The following COPG2 variants were observed in gnomAD, a reference collection of about 807,000 sequenced individuals.
The protein encoded by COPG2 is coat protein complex I subunit gamma 2.
Under a neutral mutation model 46.3 loss-of-function variants are expected in COPG2, and 37 were observed. The ratio of observed to expected loss-of-function variants is 0.80; its 90% CI spans 0.61 to 1.05. The LOEUF (loss-of-function observed/expected upper bound fraction) is 1.05, where lower values mean the gene tolerates loss of function less well. Ranked by LOEUF, COPG2 falls within the 50% of genes least tolerant of loss-of-function variation. The pLI, the probability that COPG2 is intolerant of heterozygous loss-of-function variation, is 0.00. For synonymous variants in COPG2, 159 were observed against 129.7 expected, an observed-to-expected ratio of 1.23 and a Z score of -1.53; for missense variants, 427 against 387.8, an observed-to-expected ratio of 1.10 and a Z score of -0.85.
At chr7:130,510,253 A>G (rs374441528) in intron 20 of COPG2, 19 of 519,436 alleles carry the variant, frequency 3.7e-5, no homozygotes, top group African/African-American at 3.5e-4. Flanking sequence ...TTTCCCATAT[A>G]GGAAAGAATG....
chr7:130,636,218 T>C (rs1225309542), intron 5 of COPG2, among the ~76,000 whole-genome samples: 3 of 152,198 alleles, frequency 2.0e-5, no homozygotes, highest in African/African-American at 7.2e-5. Context: ...TTCTATTAGG[T>C]CCGCTTGATC....
intron 3 of COPG2, among the ~76,000 whole-genome samples, chr7:130,666,204 T>C (rs1796076389): frequency 6.6e-6 from 1 of 152,172 alleles, no homozygotes; most frequent in Non-Finnish European, 1.5e-5. Flanking sequence ...GGATAATAAA[T>C]ATAAAATCTG....
At chr7:130,517,144 G>A (rs1799686163) in intron 20 of COPG2, among the ~76,000 whole-genome samples, 1 of 152,190 alleles carries the variant, frequency 6.6e-6, no homozygotes, top group Admixed American at 6.5e-5. Flanking sequence ...TCCTGCTGAT[G>A]TGAGGGGATG....
At chr7:130,565,172 G>A (rs1793782882) in intron 9 of COPG2, among the ~76,000 whole-genome samples, 1 of 152,214 alleles carries the variant, frequency 6.6e-6, no homozygotes. Context: ...ACCTTTGCTT[G>A]ACTCTGAGGC....
chr7:130,620,085 G>A (rs1045444099), intron 5 of COPG2, among the ~76,000 whole-genome samples: 12 of 152,048 alleles, frequency 7.9e-5, no homozygotes, highest in African/African-American at 1.2e-4. Context: ...ATTTTAATAC[G>A]TAGCTATGTT....
intron 6 of COPG2, among the ~76,000 whole-genome samples, chr7:130,615,950 T>A (rs540609398): frequency 1.3e-5 from 2 of 152,298 alleles, no homozygotes; most frequent in East Asian, 3.9e-4. Flanking sequence ...ATACTTGATA[T>A]TGCTTTTAAG....
chr7:130,667,875 G>A (rs1584624647), intron 1 of COPG2, among the ~76,000 whole-genome samples: 1 of 152,142 alleles, frequency 6.6e-6, no homozygotes, highest in Non-Finnish European at 1.5e-5. Flanking sequence ...TAGGTAAGCA[G>A]TATTTTATGT....
intron 9 of COPG2, chr7:130,607,930 C>A: frequency 2.2e-6 from 1 of 461,836 alleles, no homozygotes; most frequent in East Asian, 5.6e-5. Flanking sequence ...TCACCACTCC[C>A]CAATATTTTC....
chr7:130,571,771 A>G (rs1221445272), intron 9 of COPG2, among the ~76,000 whole-genome samples: 1 of 152,182 alleles, frequency 6.6e-6, no homozygotes, highest in East Asian at 1.9e-4. Flanking sequence ...ACAATTCACA[A>G]TTGCAGAAAT....
intron 5 of COPG2, among the ~76,000 whole-genome samples, chr7:130,647,399 A>G (rs2116223158): frequency 6.6e-6 from 1 of 152,268 alleles, no homozygotes; most frequent in East Asian, 1.9e-4. Flanking sequence ...ATATTTTTTC[A>G]TAACACACAT....
chr7:130,610,913 G>A (rs781789347), intron 9 of COPG2, 40 bp downstream of exon 9: 49 of 1,606,940 alleles, frequency 3.0e-5, no homozygotes, highest in Non-Finnish European at 3.7e-5. Context: ...TATTAACTTC[G>A]CAAATGGAAA....
intron 9 of COPG2, among the ~76,000 whole-genome samples, chr7:130,610,340 T>C (rs1238560471): frequency 2.0e-5 from 3 of 152,198 alleles, no homozygotes; most frequent in African/African-American, 4.8e-5. Flanking sequence ...GCATTAGTAG[T>C]AGTGGCAGAT....
At chr7:130,528,359 CA>C (rs1799793368) in intron 20 of COPG2, among the ~76,000 whole-genome samples, 1 of 151,766 alleles carries the variant, frequency 6.6e-6, no homozygotes, top group Non-Finnish European at 1.5e-5. Flanking sequence ...TTTGGGGAGT[CA>C]GGGTTGTGGG....
intron 20 of COPG2, among the ~76,000 whole-genome samples, chr7:130,530,459 G>A (rs944360253): frequency 1.3e-5 from 2 of 152,192 alleles, no homozygotes; most frequent in African/African-American, 2.4e-5. Context: ...CTGAATCAGT[G>A]GAAGATCTGG....
chr7:130,591,964 G>A (rs1358905901), intron 9 of COPG2, among the ~76,000 whole-genome samples: 15 of 152,226 alleles, frequency 9.9e-5, no homozygotes, highest in African/African-American at 3.1e-4. Flanking sequence ...AGAAAGGGGG[G>A]AAAGGCGGGG....
intron 9 of COPG2, among the ~76,000 whole-genome samples, chr7:130,601,519 C>T (rs150904893): frequency 6.6e-5 from 10 of 152,160 alleles, no homozygotes; most frequent in African/African-American, 1.9e-4. Context: ...TGCAGGGACA[C>T]GGATGAAACT....
At chr7:130,600,651 T>C (rs529084307) in intron 9 of COPG2, among the ~76,000 whole-genome samples, 1 of 152,334 alleles carries the variant, frequency 6.6e-6, no homozygotes, top group South Asian at 2.1e-4. Context: ...TGTGTGAGTG[T>C]ATAGTTAGTA....
At chr7:130,513,341 A>ATATATATG (rs1215646008) in intron 20 of COPG2, among the ~76,000 whole-genome samples, 38 of 51,518 alleles carry the variant, frequency 7.4e-4, no homozygotes, top group Admixed American at 7.4e-4. Context: ...ATATATATAT[A>ATATATATG]TGTGTGTGTG....
At chr7:130,551,008 C>T (rs1793528783) in intron 16 of COPG2, among the ~76,000 whole-genome samples, 2 of 152,026 alleles carry the variant, frequency 1.3e-5, no homozygotes, top group Non-Finnish European at 2.9e-5. Context: ...AAGTGAGCAA[C>T]GTTCCTAAAA....
Sources: allele counts gnomAD v4.1 joint callset (sites outside exome capture counted in the v4.1 genomes callset), GRCh38; gene constraint gnomAD v4.1.1; transcripts MANE v1.5; gene names NCBI Gene and HGNC (gene_info 2026-07-23, HGNC 2026-07-21).